The following PRTG variants were observed in gnomAD, a reference collection of about 807,000 sequenced individuals.
PRTG encodes immunoglobulin superfamily, DCC subclass, member 5.
Under a neutral mutation model 122.5 loss-of-function variants are expected in PRTG, and 67 were observed. The ratio of observed to expected loss-of-function variants is 0.55; its 90% confidence interval spans 0.45 to 0.67. PRTG has a LOEUF of 0.67. Among genes scored for constraint, PRTG ranks in the 30% least tolerant of loss-of-function variants. PRTG has a pLI of 0.00. For missense variants in PRTG, 1,435 were observed against 1,415.4 expected (o/e 1.01, Z -0.22); for synonymous variants, 554 against 501.1 (o/e 1.11, Z -1.41).
Position 55,613,535 on chromosome 15 carries a change from G to A in PRTG, c.*6477C>T, listed in dbSNP as rs1327318855. On this transcript the variant is annotated 3_prime_UTR_variant, in exon 20 of 20. Coordinates refer to ENST00000389286, the MANE Select transcript of PRTG (RefSeq NM_173814.6). ...ACAATTTTAGCTGAGATAAATGGAA[G>A]GTTTTGGAGGAGAGAAATTAGGAGA... 1 of 152,054 alleles carries A rather than the reference G, an allele frequency of 6.6e-6. No individual in the cohort carries two copies. The highest frequency in any genetic ancestry group is 1.5e-5 in the Non-Finnish European group (1 of 67,978). 9.4% of individuals were successfully genotyped at this position (152,054 alleles called of 1,614,324 possible). A position where few individuals can be genotyped will look rare whatever the true frequency, so the allele number is the denominator to read the frequency against.
chr15:55,662,851 T>C (rs1455365458), intron 11 of PRTG, among the ~76,000 whole-genome samples: 1 of 152,218 alleles, frequency 6.6e-6, no homozygotes, highest in African/African-American at 2.4e-5. Flanking sequence ...TCAAAGTAGC[T>C]AAGCCAGAGA....
chr15:55,628,645 C>T (rs930944758), intron 16 of PRTG, among the ~76,000 whole-genome samples, 177 bp downstream of exon 16: 1 of 152,158 alleles, frequency 6.6e-6, no homozygotes, highest in Non-Finnish European at 1.5e-5. Flanking sequence ...ATTTTGCCTC[C>T]TTCTAGGAGT....
At chr15:55,663,654 G>A (rs577544186) in intron 11 of PRTG, among the ~76,000 whole-genome samples, 9 of 151,426 alleles carry the variant, frequency 5.9e-5, no homozygotes, top group Admixed American at 2.6e-4. Context: ...TGATTCTCCC[G>A]CCTCAGCCTC....
intron 11 of PRTG, chr15:55,655,302 T>C (rs2059373676): frequency 6.6e-6 from 1 of 152,212 alleles, no homozygotes; most frequent in Admixed American, 6.5e-5. Context: ...ACACTGAAGA[T>C]GCTTAGGGGT....
At chr15:55,710,842 G>C (rs187999115) in intron 2 of PRTG, among the ~76,000 whole-genome samples, 2 of 152,136 alleles carry the variant, frequency 1.3e-5, no homozygotes, top group East Asian at 3.9e-4. Context: ...GTGAAATCTT[G>C]TACCTGCCCC....
At chr15:55,720,493 C>T (rs1375678600) in intron 2 of PRTG, among the ~76,000 whole-genome samples, 1 of 152,120 alleles carries the variant, frequency 6.6e-6, no homozygotes, top group Non-Finnish European at 1.5e-5. Context: ...TTCTTTCTTG[C>T]TTCTGATGTT....
In PRTG at chr15:55,629,012, T is replaced by C; in HGVS notation, c.2624-8A>G. ...AAGCCATGGTTATTGCCCCTAGAAA[T>C]ACATCAATTACAAATTAAGTGAACA... On this transcript the variant is annotated splice_polypyrimidine_tract_variant and splice_region_variant and intron_variant, in intron 15 of 19. Coordinates refer to ENST00000389286, the MANE Select transcript of PRTG (RefSeq NM_173814.6). 1 of 1,567,576 alleles carries C rather than the reference T, an allele frequency of 6.4e-7. No individual in the cohort carries two copies. The highest frequency in any genetic ancestry group is 1.2e-5 in the South Asian group (1 of 85,472).
At chr15:55,708,361 C>T (rs62043872) in intron 2 of PRTG, among the ~76,000 whole-genome samples, 29,477 of 152,016 alleles carry the variant, frequency 0.19, 3,503 homozygotes, top group East Asian at 0.58. Context: ...GTAATCCCAG[C>T]ACTTTGGGAA....
chr15:55,672,783 A>C, intron 10 of PRTG, 150 bp from the exon 11 acceptor site: 1 of 535,334 alleles, frequency 1.9e-6, no homozygotes, highest in Non-Finnish European at 3.2e-6. Flanking sequence ...AAATTTCACA[A>C]TAATATTAAA....
chr15:55,732,773 C>T (rs1008473222), intron 2 of PRTG, among the ~76,000 whole-genome samples: 1 of 152,046 alleles, frequency 6.6e-6, no homozygotes. Context: ...GAATTACAGG[C>T]GTGAGCCACC....
intron 2 of PRTG, among the ~76,000 whole-genome samples, chr15:55,721,548 C>T (rs1449124144): frequency 2.6e-5 from 4 of 152,116 alleles, no homozygotes; most frequent in Non-Finnish European, 5.9e-5. Context: ...ACTATGCTTT[C>T]GACTATTCAT....
chr15:55,703,506 T>G (rs1404388317), intron 2 of PRTG, among the ~76,000 whole-genome samples: 1 of 152,094 alleles, frequency 6.6e-6, no homozygotes, highest in Non-Finnish European at 1.5e-5. Flanking sequence ...AGAAATGTGA[T>G]AAGAGGAAGA....
At chr15:55,679,214 T>C (rs2059522463) in intron 7 of PRTG, 72 bp downstream of exon 7, 2 of 963,466 alleles carry the variant, frequency 2.1e-6, no homozygotes, top group African/African-American at 1.7e-5. Flanking sequence ...GATATTATTA[T>C]AACCATTTCA....
Position 55,614,636 on chromosome 15 carries a change from G to A in PRTG, c.*5376C>T, listed in dbSNP as rs2059134465. On this transcript the variant is annotated 3_prime_UTR_variant, in exon 20 of 20. Coordinates refer to ENST00000389286, the MANE Select transcript of PRTG (RefSeq NM_173814.6). ...TTAGACGCAAATATTTAGGACACTT[G>A]CTGATAAACATGAGATGTTATTTTA... is the stretch of plus-strand genomic sequence containing the variant. The A allele has an allele frequency of 1.3e-5, 2 of 152,130 alleles. No individual in the cohort carries two copies. Among genetic ancestry groups the A allele is most frequent in the Non-Finnish European group, 2.9e-5 (2 of 68,000 alleles). The allele number at this position is 152,130 out of a possible 1,614,324, so 9.4% of individuals were successfully genotyped here.
chr15:55,621,268 T>C (rs2141707093), intron 18 of PRTG, among the ~76,000 whole-genome samples: 1 of 152,214 alleles, frequency 6.6e-6, no homozygotes, highest in East Asian at 1.9e-4. Context: ...AGAGAACTGC[T>C]TGAACCCAGG....
chr15:55,673,250 T>A, intron 10 of PRTG, 121 bp downstream of exon 10: 1 of 748,150 alleles, frequency 1.3e-6, no homozygotes, highest in Admixed American at 3.0e-5. Flanking sequence ...ATTAAGTCCA[T>A]CATCTATGGA....
At position 55,722,060 on chromosome 15, in the gene PRTG, G is replaced by A. The variant is rs2030846147; in HGVS notation, c.397+18322C>T. On this transcript the variant is annotated intron_variant, in intron 2 of 19. Transcript: ENST00000389286. The stretch of plus-strand genomic sequence containing the variant: ...GAGATGCATGGAGAAGTATTTAGAG[G>A]TGAAGTGTCTGCAACTTACTTTTTT... 9.2e-5 allele frequency among the ~76,000 whole-genome samples: 14 copies of A among 152,300 alleles called. 1 individual carries two copies. The South Asian group carries it at 2.9e-3, about 32-fold the overall frequency.
intron 2 of PRTG, among the ~76,000 whole-genome samples, chr15:55,721,549 G>A (rs368139987): frequency 1.3e-5 from 2 of 152,058 alleles, no homozygotes; most frequent in East Asian, 1.9e-4. Flanking sequence ...CTATGCTTTC[G>A]ACTATTCATT....
chr15:55,679,739 G>C (rs898116614), intron 6 of PRTG: 23 of 424,378 alleles, frequency 5.4e-5, no homozygotes, highest in Middle Eastern at 6.2e-4. Flanking sequence ...TGCAGTGCAA[G>C]TGGCAATAAT....
Sources: allele counts gnomAD v4.1 joint callset (sites outside exome capture counted in the v4.1 genomes callset), GRCh38; gene constraint gnomAD v4.1.1; transcripts MANE v1.5; gene names NCBI Gene and HGNC (gene_info 2026-07-23, HGNC 2026-07-21).